Variants in ADCY8 observed in about 807,000 individuals in gnomAD.
ADCY8 encodes the protein adenylate cyclase 8.
Under a neutral mutation model 119.7 loss-of-function variants are expected in ADCY8, and 51 were observed. The ratio of observed to expected loss-of-function variants is 0.43; its 90% CI spans 0.34 to 0.54. ADCY8 has a LOEUF of 0.54. Ranked by LOEUF, ADCY8 falls within the 20% of genes least tolerant of loss-of-function variation. The pLI, the probability that ADCY8 is intolerant of heterozygous loss-of-function variation, is 0.03. For synonymous variants in ADCY8, 665 were observed against 651.0 expected (o/e 1.02, Z -0.33); for missense variants, 1,383 against 1,598.8 (o/e 0.87, Z 2.30).
intron 3 of ADCY8, among the ~76,000 whole-genome samples, chr8:130,946,703 C>G (rs1821116260): frequency 6.6e-6 from 1 of 152,164 alleles, no homozygotes; most frequent in South Asian, 2.1e-4. Context: ...ACAGTTGGCC[C>G]TATTACATGT....
Position 130,903,781 on chromosome 8 carries a change from C to T in ADCY8, c.1902G>A (p.Gly634=). 1.2e-6 allele frequency: 2 copies of T among 1,612,226 alleles called. No individual in the cohort carries two copies. The highest frequency in any genetic ancestry group is 1.7e-6 in the Non-Finnish European group (2 of 1,179,892). The change falls in exon 7 of 18, where the codon GGG becomes GGA. Residue 634 remains glycine (G), a synonymous_variant. Coordinates refer to ENST00000286355, the MANE Select transcript of ADCY8 (RefSeq NM_001115.3). ...GGAAGAGAGGACTTACATTCTGTTT[C>T]CCCACGATATTATCAAAGGGCAGTT... ...SPELPFDNIV[G]KQNTLAALTR...
intron 1 of ADCY8, among the ~76,000 whole-genome samples, chr8:130,992,051 T>C (rs2130744111): frequency 6.7e-6 from 1 of 150,008 alleles, no homozygotes; most frequent in South Asian, 2.1e-4. Context: ...CTAATAATTA[T>C]TTAATAATAT....
At chr8:130,921,700 G>A (rs1038650243) in intron 5 of ADCY8, among the ~76,000 whole-genome samples, 7 of 152,090 alleles carry the variant, frequency 4.6e-5, no homozygotes, top group Non-Finnish European at 1.0e-4. Context: ...TGATCTGCCT[G>A]CCTTGGCCTC....
intron 5 of ADCY8, among the ~76,000 whole-genome samples, chr8:130,926,960 TAC>T (rs994026320): frequency 6.9e-6 from 1 of 144,058 alleles, no homozygotes; most frequent in Admixed American, 7.0e-5. Context: ...TATATATATA[TAC>T]ACACACCACA....
At chr8:130,909,600 T>C in intron 6 of ADCY8, 108 bp downstream of exon 6, 1 of 1,347,018 alleles carries the variant, frequency 7.4e-7, no homozygotes, top group East Asian at 2.3e-5. Flanking sequence ...TCCTTCCAAA[T>C]AATTGCTTCC....
At chr8:130,869,950 CTTCTT>C (rs1818281545) in intron 8 of ADCY8, among the ~76,000 whole-genome samples, 1 of 103,588 alleles carries the variant, frequency 9.7e-6, no homozygotes. Flanking sequence ...TCTTCTTCTT[CTTCTT>C]CTTCTTCCTT....
intron 2 of ADCY8, among the ~76,000 whole-genome samples, chr8:130,989,982 A>C (rs1334798290): frequency 6.6e-6 from 1 of 152,246 alleles, no homozygotes; most frequent in African/African-American, 2.4e-5. Context: ...AGACATGTGT[A>C]AGATTCTTCC....
chr8:130,853,186 C>T (rs967215280), intron 9 of ADCY8, among the ~76,000 whole-genome samples: 24 of 152,212 alleles, frequency 1.6e-4, no homozygotes, highest in African/African-American at 5.8e-4. Context: ...TTCTCCTCCT[C>T]TTCGATCCAC....
chr8:130,859,878 T>C (rs962565911), intron 9 of ADCY8, among the ~76,000 whole-genome samples: 1 of 152,214 alleles, frequency 6.6e-6, no homozygotes, highest in Non-Finnish European at 1.5e-5. Context: ...TTCCAGAACA[T>C]TATATAAATG....
At position 130,911,071 on chromosome 8, in the gene ADCY8, G is replaced by A. The variant is rs149727468; in HGVS notation, c.1482-1205C>T. ...TTTGCTGATATTTTTGTGATAATAAGTCGCCATTAATATTCCTTCTAGCAT... is the reference window on the plus strand; with the variant it reads ...TTTGCTGATATTTTTGTGATAATAAATCGCCATTAATATTCCTTCTAGCAT... On this transcript the variant is annotated intron_variant, in intron 5 of 17. Coordinates refer to ENST00000286355, the MANE Select transcript of ADCY8 (RefSeq NM_001115.3). Among the ~76,000 whole-genome samples the A allele has an allele frequency of 2.1e-3, 320 of 152,078 alleles. 1 individual carries two copies. The highest frequency in any genetic ancestry group is 3.9e-3 in the Non-Finnish European group (266 of 67,980).
At chr8:130,886,663 G>A (rs1292141175) in intron 7 of ADCY8, among the ~76,000 whole-genome samples, 1 of 152,102 alleles carries the variant, frequency 6.6e-6, no homozygotes, top group Non-Finnish European at 1.5e-5. Flanking sequence ...GGGATGCCAG[G>A]GTGCCCTCGT....
chr8:130,981,288 G>A (rs917883867), intron 2 of ADCY8, among the ~76,000 whole-genome samples: 2 of 152,082 alleles, frequency 1.3e-5, no homozygotes, highest in African/African-American at 2.4e-5. Context: ...AGTAAATGTA[G>A]AATTCTGGTC....
intron 2 of ADCY8, among the ~76,000 whole-genome samples, chr8:130,986,255 A>G (rs1365079053): frequency 6.6e-6 from 1 of 152,216 alleles, no homozygotes; most frequent in Non-Finnish European, 1.5e-5. Context: ...GGAGGGCACA[A>G]TGGGCACAGG....
intron 9 of ADCY8, among the ~76,000 whole-genome samples, chr8:130,862,471 G>A (rs1399748262): frequency 6.6e-6 from 1 of 151,956 alleles, no homozygotes. Flanking sequence ...GAATTGCAGC[G>A]GCGCAATCTT....
At chr8:130,822,948 G>A (rs1255888575) in intron 12 of ADCY8, among the ~76,000 whole-genome samples, 4 of 152,160 alleles carry the variant, frequency 2.6e-5, no homozygotes, top group Admixed American at 6.5e-5. Flanking sequence ...TGAAGCACCT[G>A]ACACATCATC....
chr8:130,884,749 G>A lies in ADCY8; in HGVS notation c.1924C>T (p.Leu642=). Reference sequence around the variant, plus strand: ...AGCAGATTTATTGAATTTCTTGTTAGGGCAGCCAGAGTCTAGGGGGAAAGC... The same window carrying A: ...AGCAGATTTATTGAATTTCTTGTTAAGGCAGCCAGAGTCTAGGGGGAAAGC... The part of the protein sequence containing the change: ...IVGKQNTLAA[L]TRNSINLLPN... The change falls in exon 8 of 18, where the codon CTA becomes TTA. Residue 642 remains leucine, a synonymous_variant. Coordinates refer to ENST00000286355, the MANE Select transcript of ADCY8 (RefSeq NM_001115.3). 5.0e-6 allele frequency: 8 copies of A among 1,613,786 alleles called. No homozygotes were observed. The highest frequency in any genetic ancestry group is 6.8e-6 in the Non-Finnish European group (8 of 1,179,776).
chr8:130,840,044 T>C lies in ADCY8; in HGVS notation c.2503-3595A>G, dbSNP rs1817093347. Among the ~76,000 whole-genome samples the C allele has an allele frequency of 1.4e-5, 2 of 140,042 alleles. 1 individual carries two copies. The highest frequency in any genetic ancestry group is 3.2e-5 in the Non-Finnish European group (2 of 61,950). 91.9% of individuals were successfully genotyped at this position (140,042 alleles called of 152,430 possible). On this transcript the variant is annotated intron_variant, in intron 11 of 17. Coordinates refer to ENST00000286355, the MANE Select transcript of ADCY8 (RefSeq NM_001115.3). The stretch of plus-strand genomic sequence containing the variant: ...AGTTGGACAACATTGTCTAGTTTTA[T>C]GGGGAGGTAAGAAAGAGAGAGGAGT...
At chr8:130,846,328 C>T (rs1219428838) in intron 11 of ADCY8, among the ~76,000 whole-genome samples, 1 of 152,090 alleles carries the variant, frequency 6.6e-6, no homozygotes, top group Admixed American at 6.5e-5. Context: ...AGGCTGACCC[C>T]AAGGCCCAGA....
chr8:130,935,829 T>C (rs1360690506), intron 5 of ADCY8, among the ~76,000 whole-genome samples: 1 of 152,226 alleles, frequency 6.6e-6, no homozygotes, highest in African/African-American at 2.4e-5. Context: ...AAATATCTTT[T>C]ACTGCAGGTG....
Sources: gnomAD v4.1 joint callset for allele counts (sites outside exome capture counted in the v4.1 genomes callset) on GRCh38, gnomAD v4.1.1 for gene constraint, MANE v1.5 for transcripts, NCBI Gene and HGNC (gene_info 2026-07-23, HGNC 2026-07-21) for gene names.